SMOC1: variants seen among roughly 807,000 people sequenced by gnomAD.
SMOC1 encodes the protein SPARC related modular calcium binding 1, also known as SPARC-related modular calcium-binding protein 1.
A neutral mutation model predicts 56.3 loss-of-function variants in SMOC1; 22 were observed. That is an observed-to-expected ratio of 0.39 (90% CI 0.28 to 0.56). The LOEUF (loss-of-function observed/expected upper bound fraction) is 0.56. Ranked by LOEUF, SMOC1 falls within the 20% of genes least tolerant of loss-of-function variation. The pLI, the probability that SMOC1 is intolerant of heterozygous loss-of-function variation, is 0.61. For synonymous variants in SMOC1, 193 were observed against 215.0 expected (o/e 0.90, Z 0.89); for missense variants, 509 against 565.4 (o/e 0.90, Z 1.01).
chr14:69,884,314 A>G (rs946007037), intron 1 of SMOC1, among the ~76,000 whole-genome samples: 2 of 151,796 alleles, frequency 1.3e-5, no homozygotes, highest in Non-Finnish European at 2.9e-5. Flanking sequence ...TTTTTTTGCT[A>G]TTAAGTGATT....
chr14:69,885,300 TTTAA>T, intron 1 of SMOC1: 1 of 1,083,056 alleles, frequency 9.2e-7, no homozygotes, highest in Non-Finnish European at 1.3e-6. Flanking sequence ...TTTGTATTAT[TTTAA>T]TTATTTTTAT....
In SMOC1 at chr14:70,023,467, C is replaced by T; in HGVS notation, c.1291+20C>T. 6.2e-7 allele frequency: 1 copy of T among 1,613,810 alleles called. No homozygotes were observed. The highest frequency in any genetic ancestry group is 1.1e-5 in the South Asian group (1 of 91,076). ...AAGAAGGTGAGTGCTCTCCCCTGTG[C>T]TCCTGGCCTTTCAATACTTGCCCCC... On this transcript the variant is annotated intron_variant, in intron 11 of 11. Transcript: ENST00000361956.
intron 1 of SMOC1, among the ~76,000 whole-genome samples, chr14:69,903,595 G>C (rs981762892): frequency 6.6e-6 from 1 of 152,174 alleles, no homozygotes; most frequent in African/African-American, 2.4e-5. Context: ...GTTGATCTAC[G>C]ACCTTACCCC....
chr14:69,953,744 C>T (rs1019233222), intron 3 of SMOC1, among the ~76,000 whole-genome samples: 5 of 152,220 alleles, frequency 3.3e-5, no homozygotes, highest in Non-Finnish European at 7.3e-5. Context: ...CCTGAAAAGA[C>T]GCATGGAAGC....
chr14:69,890,368 G>A (rs1883927566), intron 1 of SMOC1, among the ~76,000 whole-genome samples: 2 of 152,086 alleles, frequency 1.3e-5, no homozygotes, highest in South Asian at 4.1e-4. Flanking sequence ...TCCCATTTAG[G>A]CAAAAAAGAA....
rs755782987 is a variant in SMOC1, at chr14:70,013,421, A to G, written c.976A>G (p.Ser326Gly). The change falls in exon 10 of 12, where the codon AGC (serine) becomes GGC (glycine). Residue 326 changes from serine to glycine, a missense_variant. By Grantham distance (56) the Ser-to-Gly change is moderately conservative (BLOSUM62 0). Coordinates refer to ENST00000361956, the MANE Select transcript of SMOC1 (RefSeq NM_001034852.3). ...PEGKKMEFITSLLDALTTDMV... is the reference protein window; with the variant it reads ...PEGKKMEFITGLLDALTTDMV... ...AGGGAAGAAAATGGAGTTTATCACC[A>G]GCCTACTGGATGCTCTCACCACTGA... 50 of 1,614,094 alleles carry G rather than the reference A, an allele frequency of 3.1e-5. No homozygotes were observed. Among genetic ancestry groups the G allele is most frequent in the Non-Finnish European group, 4.1e-5 (48 of 1,180,048 alleles).
rs563988406 is a variant in SMOC1, at chr14:70,027,657, C to T, written c.1292-2585C>T. ...TTTTAATCCCAGCTCTGACAATTACCGGATCTTTAATCCTTGGCAAGTTAC... is the reference window on the plus strand; with the variant it reads ...TTTTAATCCCAGCTCTGACAATTACTGGATCTTTAATCCTTGGCAAGTTAC... On this transcript the variant is annotated intron_variant, in intron 11 of 11. Coordinates refer to ENST00000361956, the MANE Select transcript of SMOC1 (RefSeq NM_001034852.3). Among the ~76,000 whole-genome samples the T allele has an allele frequency of 1.2e-4, 19 of 152,268 alleles. No homozygotes were observed. The East Asian group carries it at 1.9e-3, about 15-fold the overall frequency.
At chr14:70,010,017 C>G (rs1885278049) in intron 7 of SMOC1, among the ~76,000 whole-genome samples, 1 of 152,240 alleles carries the variant, frequency 6.6e-6, no homozygotes, top group South Asian at 2.1e-4. Flanking sequence ...GCACCACGCT[C>G]TGTCTCAGCC....
At chr14:69,882,215 G>A (rs61059545) in intron 1 of SMOC1, among the ~76,000 whole-genome samples, 4,249 of 152,242 alleles carry the variant, frequency 0.028, 196 homozygotes, top group African/African-American at 0.096. Context: ...GGCGTCATCC[G>A]AGGAGCAGAA....
At chr14:69,939,625 AC>A (rs1882473024) in intron 1 of SMOC1, among the ~76,000 whole-genome samples, 1 of 152,150 alleles carries the variant, frequency 6.6e-6, no homozygotes, top group African/African-American at 2.4e-5. Context: ...TGCTAAAGGG[AC>A]CCAGTCTCCC....
chr14:69,902,752 G>A (rs1440611119), intron 1 of SMOC1, among the ~76,000 whole-genome samples: 3 of 152,172 alleles, frequency 2.0e-5, no homozygotes, highest in African/African-American at 7.2e-5. Flanking sequence ...GAGTGCCTGC[G>A]ATTGCAGGCG....
chr14:69,885,266 C>CTTTTT (rs201984545), intron 1 of SMOC1: 26 of 716,518 alleles, frequency 3.6e-5, no homozygotes, highest in South Asian at 6.9e-5. Flanking sequence ...CGAACAACTT[C>CTTTTT]TTTTTTTTTT....
At chr14:70,027,890 C>G (rs960818576) in intron 11 of SMOC1, among the ~76,000 whole-genome samples, 1 of 152,216 alleles carries the variant, frequency 6.6e-6, no homozygotes, top group Non-Finnish European at 1.5e-5. Context: ...CCCTCCATCC[C>G]TCTGCTCTGC....
chr14:70,018,961 C>T (rs1009147295), intron 10 of SMOC1, among the ~76,000 whole-genome samples: 2 of 152,320 alleles, frequency 1.3e-5, no homozygotes, highest in Admixed American at 6.5e-5. Flanking sequence ...GCCTCCAGGC[C>T]GTCCCGCCTT....
chr14:69,996,359 A>C (rs1225638530), intron 7 of SMOC1, among the ~76,000 whole-genome samples: 2 of 152,202 alleles, frequency 1.3e-5, no homozygotes, highest in East Asian at 3.8e-4. Flanking sequence ...TTGCAGATGA[A>C]GAGTCAGAGG....
intron 11 of SMOC1, among the ~76,000 whole-genome samples, chr14:70,025,853 A>G (rs1357638102): frequency 6.6e-6 from 1 of 152,194 alleles, no homozygotes; most frequent in Non-Finnish European, 1.5e-5. Context: ...AAAATGCTAG[A>G]GTCTATCTCA....
intron 10 of SMOC1, among the ~76,000 whole-genome samples, chr14:70,019,687 A>G (rs543962348): frequency 5.9e-4 from 90 of 152,296 alleles, no homozygotes; most frequent in Non-Finnish European, 9.3e-4. Context: ...TCTAACTGTG[A>G]TGGAAAGTCT....
At chr14:69,975,564 C>A (rs1167011560) in intron 3 of SMOC1, 151 bp from the exon 4 acceptor site, 110 of 710,402 alleles carry the variant, frequency 1.5e-4, no homozygotes, top group Non-Finnish European at 2.5e-4. Flanking sequence ...GACTGGACCA[C>A]CCATGAGAGA....
intron 3 of SMOC1, among the ~76,000 whole-genome samples, chr14:69,961,729 A>AT (rs1007630423): frequency 9.9e-5 from 15 of 152,088 alleles, no homozygotes; most frequent in Non-Finnish European, 1.9e-4. Context: ...ATTTGTGTAC[A>AT]TTTTTTTGTG....
Sources: gnomAD v4.1 joint callset for allele counts (sites outside exome capture counted in the v4.1 genomes callset) on GRCh38, gnomAD v4.1.1 for gene constraint, MANE v1.5 for transcripts, NCBI Gene and HGNC (gene_info 2026-07-23, HGNC 2026-07-21) for gene names.